The following NR6A1 variants were observed in gnomAD, a reference collection of about 807,000 sequenced individuals.
NR6A1 encodes nuclear receptor subfamily 6 group A member 1, also known as retinoic acid receptor-related testis-associated receptor.
NR6A1 carries 7 observed loss-of-function variants against 59.1 expected under a neutral mutation model. The observed-to-expected ratio is 0.12, with a 90% confidence interval of 0.07 to 0.22. The LOEUF (loss-of-function observed/expected upper bound fraction) is 0.22. NR6A1 is among the 10% of genes least tolerant of loss of function. The probability of loss-of-function intolerance (pLI) is 1.00; values close to 1 mark genes in which losing one functional copy is unlikely to be tolerated. For missense variants in NR6A1, 468 were observed against 611.6 expected (o/e 0.77, Z 2.48); for synonymous variants, 243 against 236.1 (o/e 1.03, Z -0.27).
At chr9:124,600,564 TATG>T (rs908108108) in intron 2 of NR6A1, among the ~76,000 whole-genome samples, 3 of 152,220 alleles carry the variant, frequency 2.0e-5, no homozygotes, top group Non-Finnish European at 4.4e-5. Context: ...CTATGCTGGC[TATG>T]ATGACATAAA....
chr9:124,627,927 A>G (rs962422121), intron 2 of NR6A1, among the ~76,000 whole-genome samples: 3 of 143,332 alleles, frequency 2.1e-5, no homozygotes, highest in Non-Finnish European at 3.0e-5. Context: ...AAAGCAACAG[A>G]AAGTACAGTG....
intron 2 of NR6A1, chr9:124,598,734 T>TCTTCTCC: frequency 1.1e-6 from 1 of 888,048 alleles, no homozygotes; most frequent in South Asian, 1.3e-5. Context: ...TCCTCCTTGG[T>TCTTCTCC]CTTCTCCCTT....
intron 3 of NR6A1, among the ~76,000 whole-genome samples, chr9:124,549,242 C>T (rs1833696370): frequency 6.6e-6 from 1 of 152,130 alleles, no homozygotes; most frequent in Non-Finnish European, 1.5e-5. Context: ...GATGTTTAAA[C>T]CCCCTCTTCT....
intron 2 of NR6A1, among the ~76,000 whole-genome samples, chr9:124,620,288 A>T (rs934888967): frequency 6.6e-6 from 1 of 152,136 alleles, no homozygotes; most frequent in Admixed American, 6.5e-5. Context: ...CAAGTTTTAT[A>T]CTTCCGTAAA....
At chr9:124,751,649 G>A (rs1378347863) in intron 1 of NR6A1, among the ~76,000 whole-genome samples, 3 of 152,198 alleles carry the variant, frequency 2.0e-5, no homozygotes, top group African/African-American at 4.8e-5. Flanking sequence ...CACTACATGA[G>A]TCTGGTGCCT....
rs796418042 is a variant in NR6A1 at position 124,672,614 on chromosome 9, CA to C, written c.142+60693del. Among the ~76,000 whole-genome samples the C allele has an allele frequency of 1.2e-3, 167 of 137,922 alleles. 1 individual carries two copies. The highest frequency in any genetic ancestry group is 0.01 in the East Asian group (49 of 4,808). 90.5% of individuals were successfully genotyped at this position (137,922 alleles called of 152,430 possible). On this transcript the variant is annotated intron_variant, in intron 2 of 9. Coordinates refer to ENST00000487099, the MANE Select transcript of NR6A1 (RefSeq NM_033334.4). Reference sequence around the variant, plus strand: ...TGGGCGACAGAGCGAGACTCCGTTTCAAAAAAAAAAAAGAATTGCTTAAGTT... The same window carrying C: ...TGGGCGACAGAGCGAGACTCCGTTTCAAAAAAAAAAAGAATTGCTTAAGTT...
chr9:124,727,488 T>C (rs1203666255), intron 2 of NR6A1, among the ~76,000 whole-genome samples: 1 of 152,248 alleles, frequency 6.6e-6, no homozygotes, highest in Admixed American at 6.5e-5. Flanking sequence ...GTTATTATTT[T>C]GGATATTTAA....
At chr9:124,527,318 A>T (rs1832965420) in intron 7 of NR6A1, among the ~76,000 whole-genome samples, 2 of 152,230 alleles carry the variant, frequency 1.3e-5, no homozygotes, top group African/African-American at 4.8e-5. Flanking sequence ...CTCTGGTATC[A>T]ATGGCAGCTG....
At chr9:124,541,235 G>C (rs1182710594) in intron 4 of NR6A1, among the ~76,000 whole-genome samples, 7 of 151,900 alleles carry the variant, frequency 4.6e-5, no homozygotes, top group Non-Finnish European at 1.0e-4. Flanking sequence ...ATTTGATAAG[G>C]GGTCAACATC....
rs367774422 is a variant in NR6A1 at position 124,711,072 on chromosome 9, T to G, written c.142+22236A>C. ...CCCAATTGTTAAAGCGCATCTATCATCCTTACTCCAAGCCTATTTGTACAT... is the reference window on the plus strand; with the variant it reads ...CCCAATTGTTAAAGCGCATCTATCAGCCTTACTCCAAGCCTATTTGTACAT... On this transcript the variant is annotated intron_variant, in intron 2 of 9. Transcript: ENST00000487099. Among the ~76,000 whole-genome samples the G allele has an allele frequency of 2.0e-5, 3 of 151,532 alleles. No individual in the cohort carries two copies. The East Asian group carries it at 5.8e-4, about 29-fold the overall frequency.
chr9:124,615,093 T>C (rs1835851355), intron 2 of NR6A1, among the ~76,000 whole-genome samples: 2 of 152,226 alleles, frequency 1.3e-5, no homozygotes, highest in African/African-American at 4.8e-5. Context: ...TTGGAGAGCT[T>C]AGATTCTTTA....
chr9:124,745,080 A>C (rs1370931157), intron 1 of NR6A1, among the ~76,000 whole-genome samples: 1 of 152,210 alleles, frequency 6.6e-6, no homozygotes, highest in African/African-American at 2.4e-5. Flanking sequence ...ACTCGAGGCC[A>C]TCTAAAAATT....
intron 1 of NR6A1, among the ~76,000 whole-genome samples, chr9:124,757,909 T>A (rs995154787): frequency 6.6e-6 from 1 of 152,240 alleles, no homozygotes; most frequent in Non-Finnish European, 1.5e-5. Context: ...ACACTTCGGC[T>A]TGCTCAGTAT....
At chr9:124,740,092 A>G (rs746852287) in intron 1 of NR6A1, among the ~76,000 whole-genome samples, 3 of 152,216 alleles carry the variant, frequency 2.0e-5, no homozygotes, top group East Asian at 1.9e-4. Flanking sequence ...CCTACCCAAC[A>G]GTGTATACTC....
intron 2 of NR6A1, among the ~76,000 whole-genome samples, chr9:124,633,817 G>C (rs193072407): frequency 6.6e-6 from 1 of 152,358 alleles, no homozygotes; most frequent in African/African-American, 2.4e-5. Flanking sequence ...GTCCAAATCT[G>C]AGCAATGAGA....
chr9:124,680,985 G>A (rs1346307005), intron 2 of NR6A1, among the ~76,000 whole-genome samples: 2 of 152,216 alleles, frequency 1.3e-5, no homozygotes, highest in Non-Finnish European at 2.9e-5. Flanking sequence ...CAGAAAAAAG[G>A]AGGGAAAGCC....
At position 124,771,249 on chromosome 9, in the gene NR6A1, G is replaced by C. The variant is rs2131223940; in HGVS notation, c.-130C>G. ...CGAGCTCCCGGCCGCGGCTCTCTCT[G>C]GGCCCCGAGCCGCCCGGCTCCGCGC... On this transcript the variant is annotated 5_prime_UTR_variant, in exon 1 of 10. Coordinates refer to ENST00000487099, the MANE Select transcript of NR6A1 (RefSeq NM_033334.4). 2.1e-6 allele frequency: 1 copy of C among 468,688 alleles called. No individual in the cohort carries two copies. The highest frequency in any genetic ancestry group is 3.6e-5 in the East Asian group (1 of 28,050). The allele number at this position is 468,688 out of a possible 1,614,324, so 29.0% of individuals were successfully genotyped here. A position where few individuals can be genotyped will look rare whatever the true frequency, so the allele number is the denominator to read the frequency against.
At chr9:124,579,977 TCC>T (rs1228078664) in intron 2 of NR6A1, among the ~76,000 whole-genome samples, 1 of 152,172 alleles carries the variant, frequency 6.6e-6, no homozygotes, top group African/African-American at 2.4e-5. Flanking sequence ...ACCATTGCAC[TCC>T]AGCCTGGACA....
At chr9:124,605,497 G>C (rs1835553712) in intron 2 of NR6A1, among the ~76,000 whole-genome samples, 1 of 152,098 alleles carries the variant, frequency 6.6e-6, no homozygotes, top group Non-Finnish European at 1.5e-5. Flanking sequence ...GGGTGACAGA[G>C]CAAGAGTGAG....
Sources: allele counts gnomAD v4.1 joint callset (sites outside exome capture counted in the v4.1 genomes callset), GRCh38; gene constraint gnomAD v4.1.1; transcripts MANE v1.5; gene names NCBI Gene and HGNC (gene_info 2026-07-23, HGNC 2026-07-21).